Variants in TAF10 observed in about 807,000 individuals in gnomAD.
TAF10 encodes the protein transcription initiation factor TFIID subunit 10.
TAF10 carries 2 observed loss-of-function variants against 18.1 expected under a neutral mutation model. The ratio of observed to expected loss-of-function variants is 0.11; its 90% CI spans 0.05 to 0.35. The LOEUF is 0.35. Among genes scored for constraint, TAF10 ranks in the 10% least tolerant of loss-of-function variants. The pLI is 1.00. For synonymous variants in TAF10, 158 were observed against 134.6 expected, an observed-to-expected ratio of 1.17 and a Z score of -1.20; for missense variants, 293 against 306.9, an observed-to-expected ratio of 0.95 and a Z score of 0.34.
Position 6,610,734 on chromosome 11 carries a change from G to A in TAF10, c.*188C>T. 1 of 1,385,590 alleles carries A rather than the reference G, an allele frequency of 7.2e-7. No homozygotes were observed. Among genetic ancestry groups the A allele is most frequent in the South Asian group, 1.2e-5 (1 of 83,808 alleles). 85.8% of individuals were successfully genotyped at this position (1,385,590 alleles called of 1,614,324 possible). Reference sequence around the variant, plus strand: ...CCAGTCATGGTACTACCCCAGCCATGGGGTCCATCCCCTTCCCCCATCCCT... The same window carrying A: ...CCAGTCATGGTACTACCCCAGCCATAGGGTCCATCCCCTTCCCCCATCCCT... On this transcript the variant is annotated 3_prime_UTR_variant, in exon 5 of 5. Coordinates refer to ENST00000299424, the MANE Select transcript of TAF10 (RefSeq NM_006284.4).
Position 6,612,089 on chromosome 11 carries a change from G to A in TAF10, c.101C>T (p.Pro34Leu), listed in dbSNP as rs992076213. 8.1e-7 allele frequency: 1 copy of A among 1,236,792 alleles called. No individual in the cohort carries two copies. Among genetic ancestry groups the A allele is most frequent in the Admixed American group, 4.3e-5 (1 of 23,372 alleles). The allele number at this position is 1,236,792 out of a possible 1,614,324, so 76.6% of individuals were successfully genotyped here. The change falls in exon 1 of 5, where the codon CCC becomes CTC. Residue 34 changes from proline to leucine, a missense_variant. Pro to Leu is a moderately conservative substitution (Grantham distance 98). Transcript: ENST00000299424. ...CTTGTTCTCCGCGGCGGTGCTGGAG[G>A]GCAGCGCGGCGGGAGCCGAGACCGG... ...APPVSAPAAL[P>L]SSTAAENKAS... is the part of the protein sequence containing the mutation.
chr11:6,607,876 C>T lies in TAF10; in HGVS notation c.*3046G>A, dbSNP rs2134549835. 1.5e-6 allele frequency: 1 copy of T among 659,612 alleles called. No homozygotes were observed. Among genetic ancestry groups the T allele is most frequent in the South Asian group, 1.8e-5 (1 of 54,922 alleles). 40.9% of individuals were successfully genotyped at this position (659,612 alleles called of 1,614,324 possible). A position where few individuals can be genotyped will look rare whatever the true frequency, so the allele number is the denominator to read the frequency against. ...TCTAGGTGGTTGGTTTGGTTTGAAG[C>T]TCAGGGGAAGGTCTGAAATGGACAG... On this transcript the variant is annotated 3_prime_UTR_variant, in exon 5 of 5. Coordinates refer to ENST00000299424, the MANE Select transcript of TAF10 (RefSeq NM_006284.4).
chr11:6,611,474 C>T, intron 2 of TAF10, 22 bp from the exon 3 acceptor site: 1 of 1,613,912 alleles, frequency 6.2e-7, no homozygotes, highest in Non-Finnish European at 8.5e-7. Flanking sequence ...ATTAAGAGAA[C>T]TGTCAGCAGA....
chr11:6,611,918 C>G (rs1855474787), intron 1 of TAF10, 40 bp downstream of exon 1: 1 of 1,576,812 alleles, frequency 6.3e-7, no homozygotes, highest in Non-Finnish European at 8.6e-7. Context: ...TGGACCCAGC[C>G]CAAGACGCTT....
chr11:6,609,242 G>A lies in TAF10; in HGVS notation c.*1680C>T. The A allele has an allele frequency of 2.5e-6, 4 of 1,603,170 alleles. No homozygotes were observed. The South Asian group carries it at 4.4e-5, about 18-fold the overall frequency. ...CTGTTTTAAGTTTTTCCTCCAGTTA[G>A]TGGGCAAGGAAGTGGCAGCAACATT... On this transcript the variant is annotated 3_prime_UTR_variant, in exon 5 of 5. Transcript: ENST00000299424.
Position 6,609,884 on chromosome 11 carries a change from G to A in TAF10, c.*1038C>T, listed in dbSNP as rs760243399. 3 of 1,614,060 alleles carry A rather than the reference G, an allele frequency of 1.9e-6. No homozygotes were observed. The highest frequency in any genetic ancestry group is 4.5e-5 in the East Asian group (2 of 44,900). The stretch of plus-strand genomic sequence containing the variant: ...CTCACTCCTGGCCCAGGCCCCAAAA[G>A]CCCTTTGCCTATCTATGACTTACCT... On this transcript the variant is annotated 3_prime_UTR_variant, in exon 5 of 5. Coordinates refer to ENST00000299424, the MANE Select transcript of TAF10 (RefSeq NM_006284.4).
Position 6,610,792 on chromosome 11 carries a change from G to C in TAF10, c.*130C>G, listed in dbSNP as rs1855424734. 1.5e-6 allele frequency: 2 copies of C among 1,350,986 alleles called. No individual in the cohort carries two copies. Among genetic ancestry groups the C allele is most frequent in the African/African-American group, 1.4e-5 (1 of 69,800 alleles). 83.7% of individuals were successfully genotyped at this position (1,350,986 alleles called of 1,614,324 possible). A position where few individuals can be genotyped will look rare whatever the true frequency, so the allele number is the denominator to read the frequency against. ...TGGCCCCAAGAGGGGCGGGCTCAGA[G>C]CTTTGTCACTTGCCACATGGTGTCT... On this transcript the variant is annotated 3_prime_UTR_variant, in exon 5 of 5. Transcript: ENST00000299424.
chr11:6,608,303 C>A lies in TAF10; in HGVS notation c.*2619G>T, dbSNP rs1004850525. 2.0e-5 allele frequency: 31 copies of A among 1,559,836 alleles called. No homozygotes were observed. Among genetic ancestry groups the A allele is most frequent in the Middle Eastern group, 1.7e-4 (1 of 5,978 alleles). On this transcript the variant is annotated 3_prime_UTR_variant, in exon 5 of 5. Coordinates refer to ENST00000299424, the MANE Select transcript of TAF10 (RefSeq NM_006284.4). The surrounding 1 kb of genome is among the most constrained non-coding windows in gnomAD (Gnocchi z 4.9). Reference sequence around the variant, plus strand: ...ACATACAGTAGAAAGCATGTGTGCTCTTCCCCCTTTTCCCATGCCCTGACA... The same window carrying A: ...ACATACAGTAGAAAGCATGTGTGCTATTCCCCCTTTTCCCATGCCCTGACA...
In TAF10 at chr11:6,606,378, C is replaced by G. The variant is rs1854910312; in HGVS notation, c.*4544G>C. ...GGTCAGGATCACCTGTCATCTTAGT[C>G]TAGACTTCACTGGTTCCCATTAGGT... On this transcript the variant is annotated 3_prime_UTR_variant, in exon 5 of 5. Coordinates refer to ENST00000299424, the MANE Select transcript of TAF10 (RefSeq NM_006284.4). 1 of 152,152 alleles carries G rather than the reference C, an allele frequency of 6.6e-6. No homozygotes were observed. Among genetic ancestry groups the G allele is most frequent in the Non-Finnish European group, 1.5e-5 (1 of 68,010 alleles). The allele number at this position is 152,152 out of a possible 1,614,324, so 9.4% of individuals were successfully genotyped here. A position where few individuals can be genotyped will look rare whatever the true frequency, so the allele number is the denominator to read the frequency against.
rs747841745 is a variant in TAF10 at position 6,608,233 on chromosome 11, A to G, written c.*2689T>C. The G allele has an allele frequency of 3.2e-5, 51 of 1,613,692 alleles. 1 individual carries two copies. In the South Asian group the frequency reaches 5.6e-4, roughly 18 times the overall value. ...GAAGGTACGTACAAACTCCTTCGTC[A>G]TCCACATCACATACATGCCATGAGG... On this transcript the variant is annotated 3_prime_UTR_variant, in exon 5 of 5. Transcript: ENST00000299424. The surrounding 1 kb of genome is among the most constrained non-coding windows in gnomAD (Gnocchi z 4.9).
chr11:6,612,064 C>T lies in TAF10; in HGVS notation c.126G>A (p.Lys42=). 7.1e-7 allele frequency: 1 copy of T among 1,409,568 alleles called. No homozygotes were observed. The highest frequency in any genetic ancestry group is 9.2e-7 in the Non-Finnish European group (1 of 1,091,536). 87.3% of individuals were successfully genotyped at this position (1,409,568 alleles called of 1,614,324 possible). A position where few individuals can be genotyped will look rare whatever the true frequency, so the allele number is the denominator to read the frequency against. ...CCCCCGCTGTCCCCGCGGGGCTGGC[C>T]TTGTTCTCCGCGGCGGTGCTGGAGG... ...ALPSSTAAEN[K]ASPAGTAGGP... Residue 42 remains lysine, a synonymous_variant, in exon 1 of 5, where the codon AAG becomes AAA. Transcript: ENST00000299424.
chr11:6,609,500 T>C lies in TAF10; in HGVS notation c.*1422A>G. ...TTTGTACTGGGTCTCAACCACTCCC[T>C]CCCTCTTCTAGGATTTTCTCGCATC... On this transcript the variant is annotated 3_prime_UTR_variant, in exon 5 of 5. Transcript: ENST00000299424. The C allele has an allele frequency of 6.2e-7, 1 of 1,614,092 alleles. No individual in the cohort carries two copies. The highest frequency in any genetic ancestry group is 1.1e-5 in the South Asian group (1 of 91,080).
In TAF10 at chr11:6,610,045, GTCA is replaced by G. The variant is rs1855341486; in HGVS notation, c.*874_*876del. The G allele has an allele frequency of 6.2e-7, 1 of 1,614,186 alleles. No homozygotes were observed. The highest frequency in any genetic ancestry group is 8.5e-7 in the Non-Finnish European group (1 of 1,180,022). On this transcript the variant is annotated 3_prime_UTR_variant, in exon 5 of 5. Transcript: ENST00000299424. ...TGGGTAGCCCCCGAAGGTGAGTGAAGTCATCATGTCGGGAGGTAAAAAAGGACC... is the reference window on the plus strand; with the variant it reads ...TGGGTAGCCCCCGAAGGTGAGTGAAGTCATGTCGGGAGGTAAAAAAGGACC...
In TAF10 at chr11:6,609,053, A is replaced by G. The variant is rs779295855; in HGVS notation, c.*1869T>C. On this transcript the variant is annotated 3_prime_UTR_variant, in exon 5 of 5. Transcript: ENST00000299424. ...GGGTTAGGGTGAAGCTGGGTACCTG[A>G]CCTGCCCACACTCTTAGGAAATGGA... The G allele has an allele frequency of 1.9e-6, 3 of 1,613,026 alleles. No homozygotes were observed. The highest frequency in any genetic ancestry group is 2.5e-6 in the Non-Finnish European group (3 of 1,179,040).
rs1855363075 is a variant in TAF10, at chr11:6,610,218, G to A, written c.*704C>T. The A allele has an allele frequency of 1.2e-6, 2 of 1,614,238 alleles. No individual in the cohort carries two copies. The highest frequency in any genetic ancestry group is 1.7e-6 in the Non-Finnish European group (2 of 1,180,042). On this transcript the variant is annotated 3_prime_UTR_variant, in exon 5 of 5. Transcript: ENST00000299424. The stretch of plus-strand genomic sequence containing the variant: ...TGTGGAGTTTTGCAGTGCTTCTGTG[G>A]GAACTGGTGACACGGGAGGTACCCT...
In TAF10 at chr11:6,609,328, C is replaced by T. The variant is rs1398161503; in HGVS notation, c.*1594G>A. 10 of 1,614,154 alleles carry T rather than the reference C, an allele frequency of 6.2e-6. No homozygotes were observed. Among genetic ancestry groups the T allele is most frequent in the Middle Eastern group, 1.6e-4 (1 of 6,062 alleles). On this transcript the variant is annotated 3_prime_UTR_variant, in exon 5 of 5. Transcript: ENST00000299424. ...GGAAGGGCCGCTGGCAGGGCAATGA[C>T]ATTGTCGTGAAGGTGCTGAAGGTTC...
Position 6,609,800 on chromosome 11 carries a change from A to AGAG in TAF10, c.*1119_*1121dup. The AGAG allele has an allele frequency of 6.2e-7, 1 of 1,614,148 alleles. No homozygotes were observed. The highest frequency in any genetic ancestry group is 8.5e-7 in the Non-Finnish European group (1 of 1,180,018). The stretch of plus-strand genomic sequence containing the variant: ...GGGGCATGGCCTTCCTACACACACT[A>AGAG]GAGCCCCTCATCCCACGACATGCAC... On this transcript the variant is annotated 3_prime_UTR_variant, in exon 5 of 5. Transcript: ENST00000299424.
In TAF10 at chr11:6,609,306, A is replaced by C; in HGVS notation, c.*1616T>G. 1 of 1,614,074 alleles carries C rather than the reference A, an allele frequency of 6.2e-7. No individual in the cohort carries two copies. The highest frequency in any genetic ancestry group is 1.7e-5 in the Admixed American group (1 of 60,026). The stretch of plus-strand genomic sequence containing the variant: ...CCCCTACCTGTCCTGCAGCTATGGA[A>C]GGGCCGCTGGCAGGGCAATGACATT... On this transcript the variant is annotated 3_prime_UTR_variant, in exon 5 of 5. Transcript: ENST00000299424.
chr11:6,612,171 C>G lies in TAF10; in HGVS notation c.19G>C (p.Gly7Arg). 8.4e-7 allele frequency: 1 copy of G among 1,191,452 alleles called. No individual in the cohort carries two copies. Among genetic ancestry groups the G allele is most frequent in the Non-Finnish European group, 1.0e-6 (1 of 961,096 alleles). 73.8% of individuals were successfully genotyped at this position (1,191,452 alleles called of 1,614,324 possible). MSCSGS[G>R]ADPEAAPASA... ...GCCGGCGCCGCCTCGGGGTCCGCGC[C>G]GGAGCCGCTGCAGCTCATCGGGCCG... Residue 7 changes from glycine (G) to arginine (R), a missense_variant, in exon 1 of 5, where the codon GGC becomes CGC. Physicochemically the swap from Gly to Arg is moderately radical, Grantham distance 125. Coordinates refer to ENST00000299424, the MANE Select transcript of TAF10 (RefSeq NM_006284.4).
Sources: allele counts gnomAD v4.1 joint callset, GRCh38; gene constraint gnomAD v4.1.1; non-coding constraint Gnocchi (gnomAD v3.1); transcripts MANE v1.5; gene names NCBI Gene and HGNC (gene_info 2026-07-23, HGNC 2026-07-21).